ATM: variants seen among roughly 807,000 people sequenced by gnomAD.
ATM encodes ATM serine/threonine kinase, also known as serine-protein kinase ATM.
Under a neutral mutation model 387.0 loss-of-function variants are expected in ATM, and 308 were observed. The ratio of observed to expected loss-of-function variants is 0.80; its 90% CI spans 0.73 to 0.87. ATM has a LOEUF of 0.87. Ranked by LOEUF, ATM falls within the 40% of genes least tolerant of loss-of-function variation. The pLI is 0.00. For synonymous variants in ATM, 1,156 were observed against 1,187.3 expected, an observed-to-expected ratio of 0.97 and a Z score of 0.54; for missense variants, 3,312 against 3,560.9, an observed-to-expected ratio of 0.93 and a Z score of 1.78.
intron 59 of ATM, among the ~76,000 whole-genome samples, chr11:108,348,485 G>A (rs1349484474): frequency 1.3e-5 from 2 of 151,256 alleles, no homozygotes; most frequent in East Asian, 2.0e-4. Context: ...TAAATAATAA[G>A]AAAGTGATGA....
At chr11:108,224,310 CAG>C (rs2078632834) in intron 1 of ATM, 1 of 152,134 alleles carries the variant, frequency 6.6e-6, no homozygotes, top group Admixed American at 6.5e-5. Flanking sequence ...ATGCCAAGGG[CAG>C]AGTTATTTCT....
intron 56 of ATM, among the ~76,000 whole-genome samples, chr11:108,339,690 C>G (rs538981804): frequency 1.1e-4 from 17 of 152,098 alleles, no homozygotes; most frequent in Non-Finnish European, 2.5e-4. Context: ...AAAAGCCAAC[C>G]CATTCCTTTC....
chr11:108,365,751 C>T lies in ATM; in HGVS notation c.*243C>T, dbSNP rs1244189912. The T allele has an allele frequency of 7.2e-5, 38 of 527,234 alleles. No homozygotes were observed. Among genetic ancestry groups the T allele is most frequent in the Middle Eastern group, 5.4e-4 (1 of 1,842 alleles). 32.7% of individuals were successfully genotyped at this position (527,234 alleles called of 1,614,324 possible). A position where few individuals can be genotyped will look rare whatever the true frequency, so the allele number is the denominator to read the frequency against. On this transcript the variant is annotated 3_prime_UTR_variant, in exon 63 of 63. Coordinates refer to ENST00000675843, the MANE Select transcript of ATM (RefSeq NM_000051.4). ...CATTCGGGCTGGGCGCAGCGGCTCA[C>T]GCCTGTAATCCCAGCACTTTGGGAG...
intron 45 of ATM, among the ~76,000 whole-genome samples, chr11:108,323,745 T>C (rs4988100): frequency 0.026 from 3,956 of 152,272 alleles, 183 homozygotes; most frequent in African/African-American, 0.09. Flanking sequence ...TCTGGCTGTT[T>C]CTTTGGTAGA....
At chr11:108,301,174 C>T (rs533199583) in intron 34 of ATM, among the ~76,000 whole-genome samples, 42 of 151,986 alleles carry the variant, frequency 2.8e-4, no homozygotes, top group Non-Finnish European at 4.6e-4. Context: ...CATAGTAATT[C>T]GAAATTGGTT....
At chr11:108,282,441 A>C (rs2082281254) in intron 24 of ATM, among the ~76,000 whole-genome samples, 1 of 152,244 alleles carries the variant, frequency 6.6e-6, no homozygotes, top group Non-Finnish European at 1.5e-5. Flanking sequence ...TTTACATTAA[A>C]TCTTCCTTTA....
chr11:108,260,897 C>T (rs1183308616), intron 16 of ATM, among the ~76,000 whole-genome samples: 16 of 152,204 alleles, frequency 1.1e-4, no homozygotes, highest in Non-Finnish European at 1.9e-4. Context: ...CCTGGAAAAT[C>T]GGGTCACTCC....
chr11:108,330,797 C>T (rs1363829476), intron 50 of ATM, among the ~76,000 whole-genome samples: 1 of 151,988 alleles, frequency 6.6e-6, no homozygotes, highest in Non-Finnish European at 1.5e-5. Flanking sequence ...GTGGGTTTTC[C>T]CCCTGCTGCA....
chr11:108,260,729 C>T (rs562291599), intron 16 of ATM, among the ~76,000 whole-genome samples: 2 of 152,164 alleles, frequency 1.3e-5, no homozygotes, highest in South Asian at 2.1e-4. Context: ...TCTGAGGTAC[C>T]GGGTTCATCT....
At chr11:108,260,153 G>A (rs1267531394) in intron 16 of ATM, among the ~76,000 whole-genome samples, 1 of 150,028 alleles carries the variant, frequency 6.7e-6, no homozygotes, top group Non-Finnish European at 1.5e-5. Flanking sequence ...TCCTGCCTCA[G>A]CCTCCCAAGA....
intron 30 of ATM, 22 bp downstream of exon 30, chr11:108,292,815 A>G: frequency 6.2e-7 from 1 of 1,610,656 alleles, no homozygotes; most frequent in Non-Finnish European, 8.5e-7. Context: ...ACTCATCTTC[A>G]AAATGGTATT....
chr11:108,281,038 A>T lies in ATM; in HGVS notation c.3446A>T (p.Asn1149Ile). The T allele has an allele frequency of 1.2e-6, 2 of 1,613,664 alleles. No homozygotes were observed. The highest frequency in any genetic ancestry group is 2.7e-5 in the African/African-American group (2 of 75,012). Reference protein sequence around the residue: ...ENPETLDEIYNRKSVLLTLIA... With the variant: ...ENPETLDEIYIRKSVLLTLIA... ...CCTGAAACTTTGGATGAAATTTATA[A>T]TAGAAAATCTGTTTTACTGACGTTG... Residue 1149 changes from asparagine (N) to isoleucine (I), a missense_variant, in exon 24 of 63, where the codon AAT becomes ATT. By Grantham distance (149) the Asn-to-Ile change is moderately radical (BLOSUM62 -3). Around this residue, in one of 4 missense-constraint regions of ATM, gnomAD observed 1,791 missense variants for 1,804.5 expected, o/e 0.99. Coordinates refer to ENST00000675843, the MANE Select transcript of ATM (RefSeq NM_000051.4).
chr11:108,279,612 A>G lies in ATM; in HGVS notation c.3402+4A>G. ...TCAGGAAGGAATGAGAGAAATGGTA[A>G]TTTTAAGTAACATGTATTTGCTGTT... On this transcript the variant is annotated splice_donor_region_variant and intron_variant, in intron 23 of 62. Coordinates refer to ENST00000675843, the MANE Select transcript of ATM (RefSeq NM_000051.4). The G allele has an allele frequency of 6.3e-7, 1 of 1,590,524 alleles. No individual in the cohort carries two copies.
intron 45 of ATM, among the ~76,000 whole-genome samples, chr11:108,321,829 T>C (rs1305579782): frequency 6.6e-6 from 1 of 152,174 alleles, no homozygotes; most frequent in Admixed American, 6.5e-5. Context: ...TGTGTGTTTC[T>C]TTCCTTTTAT....
At chr11:108,273,307 G>T (rs2081715716) in intron 22 of ATM, among the ~76,000 whole-genome samples, 1 of 147,096 alleles carries the variant, frequency 6.8e-6, no homozygotes, top group African/African-American at 2.6e-5. Context: ...TTGAGTACTG[G>T]AATAAACATA....
At chr11:108,336,202 G>A (rs1349982611) in intron 56 of ATM, 2 of 412,626 alleles carry the variant, frequency 4.8e-6, no homozygotes, top group African/African-American at 2.0e-5. Context: ...CTACATGGGA[G>A]GCTGAGGTGG....
intron 39 of ATM, among the ~76,000 whole-genome samples, chr11:108,311,717 T>A (rs1382246002): frequency 6.6e-6 from 1 of 151,492 alleles, no homozygotes; most frequent in Non-Finnish European, 1.5e-5. Flanking sequence ...AAAAAAAAAA[T>A]TAAGAAACTG....
At chr11:108,237,209 A>G (rs2079323327) in intron 5 of ATM, among the ~76,000 whole-genome samples, 1 of 152,208 alleles carries the variant, frequency 6.6e-6, no homozygotes, top group Non-Finnish European at 1.5e-5. Flanking sequence ...TACTCTGAAC[A>G]CAAGATAGGC....
At position 108,316,068 on chromosome 11, in the gene ATM, C is replaced by T. The variant is rs876658452; in HGVS notation, c.6153C>T (p.Leu2051=). 1.9e-5 allele frequency: 30 copies of T among 1,613,932 alleles called. No individual in the cohort carries two copies. The highest frequency in any genetic ancestry group is 2.4e-5 in the Non-Finnish European group (28 of 1,180,002). ...MWGKALVTYD[L]ETAIPSSTRQ... Reference sequence around the variant, plus strand: ...GCAAAGCCCTAGTAACATATGACCTCGAAACAGCAATCCCCTCATCAACAC... The same window carrying T: ...GCAAAGCCCTAGTAACATATGACCTTGAAACAGCAATCCCCTCATCAACAC... Residue 2051 remains leucine (L), a synonymous_variant, in exon 42 of 63, where the codon CTC becomes CTT. Coordinates refer to ENST00000675843, the MANE Select transcript of ATM (RefSeq NM_000051.4).
Sources: gnomAD v4.1 joint callset for allele counts (sites outside exome capture counted in the v4.1 genomes callset) on GRCh38, gnomAD v4.1.1 for gene constraint, gnomAD v4.1.1 regional missense constraint, MANE v1.5 for transcripts, NCBI Gene and HGNC (gene_info 2026-07-23, HGNC 2026-07-21) for gene names.